The following MAP3K3 variants were observed in gnomAD, a reference collection of about 807,000 sequenced individuals.
MAP3K3 encodes mitogen-activated protein kinase kinase kinase 3, also known as MAP/ERK kinase kinase 3.
MAP3K3 carries 12 observed loss-of-function variants against 80.9 expected under a neutral mutation model. The ratio of observed to expected loss-of-function variants is 0.15; its 90% CI spans 0.10 to 0.24. The LOEUF (loss-of-function observed/expected upper bound fraction) is 0.24. Ranked by LOEUF, MAP3K3 falls within the 10% of genes least tolerant of loss-of-function variation. The probability of loss-of-function intolerance (pLI) is 1.00; values close to 1 mark genes in which losing one functional copy is unlikely to be tolerated. For missense variants in MAP3K3, 596 were observed against 834.7 expected (o/e 0.71, Z 3.52); for synonymous variants, 272 against 307.1 (o/e 0.89, Z 1.19).
In MAP3K3 at chr17:63,689,699, G is replaced by A; in HGVS notation, c.1027G>A (p.Ala343Thr). The change falls in exon 11 of 16, where the codon GCC becomes ACC. Residue 343 changes from alanine to threonine, a missense_variant. Physicochemically the swap from Ala to Thr is moderately conservative, Grantham distance 58. Coordinates refer to ENST00000361733, the MANE Select transcript of MAP3K3 (RefSeq NM_002401.5). This position sits in a 1 kb window ranked among gnomAD's most constrained non-coding sequence, Gnocchi z 4.3. ...CCTGCGGAGTGCGGACAGCGAGAAT[G>A]CCCTCTCTGTGCAGGAGAGGAATGT... ...GRLRSADSENALSVQERNVPT... is the reference protein window; with the variant it reads ...GRLRSADSENTLSVQERNVPT... 2 of 1,613,886 alleles carry A rather than the reference G, an allele frequency of 1.2e-6. No individual in the cohort carries two copies. Among genetic ancestry groups the A allele is most frequent in the Non-Finnish European group, 1.7e-6 (2 of 1,179,902 alleles).
chr17:63,649,176 C>T (rs1308099267), intron 3 of MAP3K3, among the ~76,000 whole-genome samples: 1 of 152,100 alleles, frequency 6.6e-6, no homozygotes, highest in Non-Finnish European at 1.5e-5. Flanking sequence ...GAGGCTCACG[C>T]CTGTAATCCC....
At chr17:63,685,467 G>A (rs771041240) in intron 7 of MAP3K3, 50 bp from the exon 8 acceptor site, 4 of 1,455,222 alleles carry the variant, frequency 2.7e-6, no homozygotes, top group Non-Finnish European at 2.9e-6. Flanking sequence ...TGGGTCACTG[G>A]GGGGAATTGG....
rs982855817 is a variant in MAP3K3 at position 63,692,483 on chromosome 17, C to T, written c.1652+64C>T. ...GGCCATAGTGGCCCCCCATTAGAAACACACCCTGGGGACTTTGTGGTGTGG... is the reference window on the plus strand; with the variant it reads ...GGCCATAGTGGCCCCCCATTAGAAATACACCCTGGGGACTTTGTGGTGTGG... On this transcript the variant is annotated intron_variant, in intron 15 of 15. Coordinates refer to ENST00000361733, the MANE Select transcript of MAP3K3 (RefSeq NM_002401.5). This position sits in a 1 kb window ranked among gnomAD's most constrained non-coding sequence, Gnocchi z 4.5. 1.3e-6 allele frequency: 2 copies of T among 1,504,456 alleles called. No individual in the cohort carries two copies. Among genetic ancestry groups the T allele is most frequent in the Admixed American group, 4.4e-5 (2 of 44,974 alleles). 93.2% of individuals were successfully genotyped at this position (1,504,456 alleles called of 1,614,324 possible).
At chr17:63,664,573 T>G (rs1185148952) in intron 5 of MAP3K3, among the ~76,000 whole-genome samples, 1 of 152,232 alleles carries the variant, frequency 6.6e-6, no homozygotes, top group African/African-American at 2.4e-5. Flanking sequence ...ATTTTTCTAC[T>G]GATCTCCTAT....
chr17:63,693,097 C>T lies in MAP3K3; in HGVS notation c.1653-452C>T, dbSNP rs1337639109. Among the ~76,000 whole-genome samples the T allele has an allele frequency of 6.6e-6, 1 of 152,116 alleles. No homozygotes were observed. The stretch of plus-strand genomic sequence containing the variant: ...ATGAGCCACGAAATGCAGGTGGCCT[C>T]TAGAACCCAGGAAAGGCAAGGAAAC... On this transcript the variant is annotated intron_variant, in intron 15 of 15. Transcript: ENST00000361733. The surrounding 1 kb of genome is among the most constrained non-coding windows in gnomAD (Gnocchi z 4.2).
chr17:63,677,455 A>G (rs903760542), intron 6 of MAP3K3, among the ~76,000 whole-genome samples: 2 of 152,204 alleles, frequency 1.3e-5, no homozygotes, highest in African/African-American at 4.8e-5. Flanking sequence ...TTGTGACATG[A>G]TAAGACTTAG....
rs574548900 is a variant in MAP3K3 at position 63,635,583 on chromosome 17, T to C, written c.126+2781T>C. ...GACAAAGTCTCAGCAAATGCATTTC[T>C]AGGAAAGATAGGGTAAGAGGTAGTG... On this transcript the variant is annotated intron_variant, in intron 2 of 15. Coordinates refer to ENST00000361733, the MANE Select transcript of MAP3K3 (RefSeq NM_002401.5). Among the ~76,000 whole-genome samples the C allele has an allele frequency of 2.6e-5, 4 of 152,322 alleles. No homozygotes were observed. The South Asian group carries it at 8.3e-4, about 32-fold the overall frequency.
chr17:63,688,196 T>C (rs927657381), intron 8 of MAP3K3: 1 of 379,866 alleles, frequency 2.6e-6, no homozygotes, highest in African/African-American at 2.0e-5. Context: ...GCTGTTTTTA[T>C]TACTGCCCTG....
chr17:63,677,885 A>C (rs116535128), intron 6 of MAP3K3, among the ~76,000 whole-genome samples: 28 of 152,322 alleles, frequency 1.8e-4, no homozygotes, highest in African/African-American at 6.5e-4. Context: ...GCTGCCAGGA[A>C]GTCCCCACGT....
At chr17:63,662,244 G>GAAA (rs35789105) in intron 5 of MAP3K3, among the ~76,000 whole-genome samples, 4 of 81,160 alleles carry the variant, frequency 4.9e-5, no homozygotes, top group African/African-American at 1.3e-4. Flanking sequence ...TGTCTCTATT[G>GAAA]AAAAAAAAAA....
chr17:63,643,493 A>G lies in MAP3K3; in HGVS notation c.127-2541A>G, dbSNP rs540429585. 6.6e-5 allele frequency among the ~76,000 whole-genome samples: 10 copies of G among 152,246 alleles called. No homozygotes were observed. The South Asian group carries it at 1.9e-3, about 28-fold the overall frequency. ...ACCACTGCACTCCAGCTTGGGTGGC[A>G]GGAGTAAGACCCTGTCTCAATAATA... On this transcript the variant is annotated intron_variant, in intron 2 of 15. Coordinates refer to ENST00000361733, the MANE Select transcript of MAP3K3 (RefSeq NM_002401.5).
intron 12 of MAP3K3, 52 bp downstream of exon 12, chr17:63,690,464 C>G (rs1334499525): frequency 1.9e-6 from 3 of 1,586,788 alleles, no homozygotes; most frequent in Non-Finnish European, 1.7e-6. Context: ...ACAAAAATGC[C>G]TGTCTTACCA....
Position 63,646,092 on chromosome 17 carries a change from T to G in MAP3K3, c.167+18T>G. On this transcript the variant is annotated intron_variant, in intron 3 of 15. Coordinates refer to ENST00000361733, the MANE Select transcript of MAP3K3 (RefSeq NM_002401.5). ...GAGAGGCGGTAAGTCTGCCTTCTGA[T>G]GAGTAGCTGTGTTCATGTATGCCAA... 1 of 1,612,724 alleles carries G rather than the reference T, an allele frequency of 6.2e-7. No homozygotes were observed. Among genetic ancestry groups the G allele is most frequent in the Non-Finnish European group, 8.5e-7 (1 of 1,178,808 alleles).
Position 63,652,645 on chromosome 17 carries a change from A to G in MAP3K3, c.256A>G (p.Met86Val), listed in dbSNP as rs949924451. The change falls in exon 4 of 16, where the codon ATG (methionine) becomes GTG (valine). Residue 86 changes from methionine (M) to valine (V), a missense_variant. By Grantham distance (21) the Met-to-Val change is conservative. This residue lies in a region of MAP3K3 where 232 missense variants were observed against 245.8 expected (regional missense o/e 0.94). Coordinates refer to ENST00000361733, the MANE Select transcript of MAP3K3 (RefSeq NM_002401.5). ...TGGACAACCTCTTGATCTACATTACATGAACAATGAGGTGAGAAGGCAGAT... is the reference window on the plus strand; with the variant it reads ...TGGACAACCTCTTGATCTACATTACGTGAACAATGAGGTGAGAAGGCAGAT... ...VFGQPLDLHY[M>V]NNELSILLKN... 1.9e-6 allele frequency: 3 copies of G among 1,611,468 alleles called. No homozygotes were observed. Among genetic ancestry groups the G allele is most frequent in the Non-Finnish European group, 1.7e-6 (2 of 1,177,496 alleles).
In MAP3K3 at chr17:63,693,827, G is replaced by A. The variant is rs199668197; in HGVS notation, c.*50G>A. ...GTCGCCCTTTGCTGCATGGCAGGGG[G>A]CTGCTGCTGGGCTCAGTGAAGTTGC... On this transcript the variant is annotated 3_prime_UTR_variant, in exon 16 of 16. Transcript: ENST00000361733. This position sits in a 1 kb window ranked among gnomAD's most constrained non-coding sequence, Gnocchi z 4.2. 11 of 1,494,582 alleles carry A rather than the reference G, an allele frequency of 7.4e-6. No homozygotes were observed. The highest frequency in any genetic ancestry group is 2.1e-4 in the Middle Eastern group (1 of 4,662). 92.6% of individuals were successfully genotyped at this position (1,494,582 alleles called of 1,614,324 possible). A position where few individuals can be genotyped will look rare whatever the true frequency, so the allele number is the denominator to read the frequency against.
chr17:63,634,594 A>T, intron 2 of MAP3K3: 1 of 840,730 alleles, frequency 1.2e-6, no homozygotes, highest in Non-Finnish European at 1.9e-6. Flanking sequence ...GACTGTTAGG[A>T]AGTAATCTTA....
intron 3 of MAP3K3, among the ~76,000 whole-genome samples, chr17:63,651,250 G>A (rs775316871): frequency 3.3e-5 from 5 of 152,124 alleles, no homozygotes; most frequent in African/African-American, 4.8e-5. Context: ...TTGGAAGGCC[G>A]ACGTGGGAGG....
At chr17:63,626,316 G>C (rs1277813422) in intron 1 of MAP3K3, among the ~76,000 whole-genome samples, 1 of 152,188 alleles carries the variant, frequency 6.6e-6, no homozygotes, top group Non-Finnish European at 1.5e-5. Context: ...GTAAGGTGAA[G>C]CAGAAACATG....
At chr17:63,658,013 A>C (rs2034808087) in intron 5 of MAP3K3, 106 bp downstream of exon 5, 3 of 574,030 alleles carry the variant, frequency 5.2e-6, no homozygotes, top group South Asian at 2.2e-5. Flanking sequence ...GCCACTGCCA[A>C]ATTGAGAGCA....
Sources: allele counts gnomAD v4.1 joint callset (sites outside exome capture counted in the v4.1 genomes callset), GRCh38; gene constraint gnomAD v4.1.1; regional missense constraint gnomAD v4.1.1; non-coding constraint Gnocchi (gnomAD v3.1); transcripts MANE v1.5; gene names NCBI Gene and HGNC (gene_info 2026-07-23, HGNC 2026-07-21).